UBE3B: variants seen among roughly 807,000 people sequenced by gnomAD.
UBE3B encodes the protein ubiquitin protein ligase E3B.
In UBE3B, 80 loss-of-function variants were observed where a neutral mutation model predicts 132.3. The observed-to-expected ratio is 0.60, with a 90% CI of 0.50 to 0.73. The LOEUF is 0.73. UBE3B is among the 30% of genes least tolerant of loss of function. The pLI, the probability that UBE3B is intolerant of heterozygous loss-of-function variation, is 0.00. For missense variants in UBE3B, 1,196 were observed against 1,362.5 expected, an observed-to-expected ratio of 0.88 and a Z score of 1.92; for synonymous variants, 487 against 520.4, an observed-to-expected ratio of 0.94 and a Z score of 0.87.
intron 18 of UBE3B, among the ~76,000 whole-genome samples, chr12:109,513,759 TCCTC>T (rs1235227985): frequency 6.6e-6 from 1 of 152,182 alleles, no homozygotes; most frequent in Non-Finnish European, 1.5e-5. Flanking sequence ...TCATAAAATG[TCCTC>T]CCTCAGGAAA....
chr12:109,483,724 G>C lies in UBE3B; in HGVS notation c.161+12G>C, dbSNP rs760993283. On this transcript the variant is annotated intron_variant, in intron 3 of 27. Transcript: ENST00000342494. ...CAGAGAGATATCAGGTAAGGGCTAG[G>C]ATCTCCCTAGCACATGATTCTCTGG... 2.5e-6 allele frequency: 4 copies of C among 1,591,846 alleles called. No individual in the cohort carries two copies. The South Asian group carries it at 4.6e-5, about 18-fold the overall frequency.
intron 4 of UBE3B, 83 bp downstream of exon 4, chr12:109,484,064 C>A: frequency 1.4e-6 from 2 of 1,405,522 alleles, no homozygotes; most frequent in Non-Finnish European, 1.9e-6. Context: ...GTTCTTATAG[C>A]AGCTTTATGA....
At position 109,535,503 on chromosome 12, in the gene UBE3B, T is replaced by A. The variant is rs1592983032; in HGVS notation, c.*721T>A. On this transcript the variant is annotated 3_prime_UTR_variant, in exon 28 of 28. Coordinates refer to ENST00000342494, the MANE Select transcript of UBE3B (RefSeq NM_130466.4). ...CCTATTCCCGTCCTATGCATTCACA[T>A]TGGCATCCTGGTTTGGGGGAAGAAA... 1 of 152,294 alleles carries A rather than the reference T, an allele frequency of 6.6e-6. No homozygotes were observed. The highest frequency in any genetic ancestry group is 1.5e-5 in the Non-Finnish European group (1 of 68,072). 9.4% of individuals were successfully genotyped at this position (152,294 alleles called of 1,614,324 possible).
rs955106594 is a variant in UBE3B at position 109,488,605 on chromosome 12, C to T, written c.481C>T (p.Leu161=). The T allele has an allele frequency of 1.9e-6, 3 of 1,614,074 alleles. No individual in the cohort carries two copies. The highest frequency in any genetic ancestry group is 1.3e-5 in the African/African-American group (1 of 74,928). ...EILQDSRLIT[L]YLTMLVTFTD... is the part of the protein sequence containing the mutation. Reference sequence around the variant, plus strand: ...CCTGCAGGACTCCCGACTCATCACCCTGTACCTCACGATGCTTGTCACCTT... The same window carrying T: ...CCTGCAGGACTCCCGACTCATCACCTTGTACCTCACGATGCTTGTCACCTT... Residue 161 remains leucine (L), a synonymous_variant, in exon 7 of 28, where the codon CTG becomes TTG. Coordinates refer to ENST00000342494, the MANE Select transcript of UBE3B (RefSeq NM_130466.4).
chr12:109,523,808 G>A (rs1055159232), intron 21 of UBE3B, among the ~76,000 whole-genome samples, 170 bp from the exon 22 acceptor site: 9 of 152,230 alleles, frequency 5.9e-5, no homozygotes, highest in African/African-American at 2.2e-4. Flanking sequence ...GAGGCACTCA[G>A]TTGTATTTGG....
intron 23 of UBE3B, 140 bp from the exon 24 acceptor site, chr12:109,526,218 T>G: frequency 3.6e-6 from 3 of 831,916 alleles, no homozygotes; most frequent in Admixed American, 2.5e-5. Context: ...TGACTTTTTA[T>G]GAGAAAGGAT....
chr12:109,533,329 G>A (rs1415145157), intron 26 of UBE3B, 137 bp from the exon 27 acceptor site: 10 of 812,838 alleles, frequency 1.2e-5, no homozygotes, highest in African/African-American at 8.4e-5. Flanking sequence ...GATCCACCCC[G>A]CCACTCCATA....
At chr12:109,488,083 C>G (rs1388130561) in intron 6 of UBE3B, among the ~76,000 whole-genome samples, 1 of 152,242 alleles carries the variant, frequency 6.6e-6, no homozygotes, top group African/African-American at 2.4e-5. Context: ...TTATTTCTCA[C>G]AACAACCCTA....
At chr12:109,505,483 A>G (rs1038216744) in intron 14 of UBE3B, among the ~76,000 whole-genome samples, 2 of 152,234 alleles carry the variant, frequency 1.3e-5, no homozygotes, top group African/African-American at 2.4e-5. Flanking sequence ...CCATAGGAGT[A>G]TATTTGTGAT....
At position 109,504,286 on chromosome 12, in the gene UBE3B, A is replaced by G. The variant is rs765784818; in HGVS notation, c.1450+1096A>G. Among the ~76,000 whole-genome samples the G allele has an allele frequency of 8.9e-4, 135 of 152,256 alleles. 3 individuals are homozygous for G. Among genetic ancestry groups the G allele is most frequent in the Non-Finnish European group, 2.1e-4 (14 of 68,044 alleles). On this transcript the variant is annotated intron_variant, in intron 14 of 27. Transcript: ENST00000342494. ...TTCCCAACCAGCGTGACAGCCAAAC[A>G]TATCTTCAAATTTGGCATTCAGCCA...
At chr12:109,527,919 A>G (rs1298754795) in intron 24 of UBE3B, among the ~76,000 whole-genome samples, 1 of 152,070 alleles carries the variant, frequency 6.6e-6, no homozygotes, top group African/African-American at 2.4e-5. Flanking sequence ...GGATCCTGCC[A>G]CCCCCTGAGA....
At chr12:109,488,691 T>A (rs753643385) in intron 7 of UBE3B, 23 bp downstream of exon 7, 4 of 1,606,262 alleles carry the variant, frequency 2.5e-6, no homozygotes, top group Admixed American at 1.7e-5. Context: ...TGCTTCAAAA[T>A]GTTCTCTAAC....
At chr12:109,542,011 TAGC>T in the UBE3B span, among the ~76,000 whole-genome samples, 1 of 152,214 alleles carries the variant, frequency 6.6e-6, no homozygotes, top group East Asian at 1.9e-4. Flanking sequence ...TTCTGGGGGT[TAGC>T]ACTTGGACAG....
chr12:109,493,004 T>A (rs1383125164), intron 9 of UBE3B, among the ~76,000 whole-genome samples: 1 of 152,220 alleles, frequency 6.6e-6, no homozygotes, highest in Non-Finnish European at 1.5e-5. Flanking sequence ...ACCACATGCC[T>A]CTAGAGGCTA....
intron 9 of UBE3B, among the ~76,000 whole-genome samples, chr12:109,497,285 T>C (rs1262692900): frequency 6.6e-6 from 1 of 151,836 alleles, no homozygotes; most frequent in Non-Finnish European, 1.5e-5. Context: ...CGAAACATTA[T>C]ACAATATATA....
intron 18 of UBE3B, among the ~76,000 whole-genome samples, chr12:109,514,101 C>T (rs1202159119): frequency 2.0e-5 from 3 of 152,200 alleles, no homozygotes; most frequent in Admixed American, 2.0e-4. Context: ...CTGCCTGGCT[C>T]ACGTGCACAG....
At chr12:109,520,847 T>C in intron 19 of UBE3B, 1 of 274,964 alleles carries the variant, frequency 3.6e-6, no homozygotes, top group Non-Finnish European at 6.9e-6. Context: ...TCATCCTTTG[T>C]CTGATGGCCA....
chr12:109,490,056 C>G, intron 8 of UBE3B, 52 bp downstream of exon 8: 1 of 1,554,936 alleles, frequency 6.4e-7, no homozygotes, highest in Non-Finnish European at 8.9e-7. Context: ...CCAACACCTG[C>G]ACTTGGATTT....
At chr12:109,531,167 A>G (rs570892677) in intron 26 of UBE3B, among the ~76,000 whole-genome samples, 1 of 152,158 alleles carries the variant, frequency 6.6e-6, no homozygotes, top group Non-Finnish European at 1.5e-5. Flanking sequence ...ACAGTGTCCC[A>G]ATAAAACACA....
Sources: allele counts gnomAD v4.1 joint callset (sites outside exome capture counted in the v4.1 genomes callset), GRCh38; gene constraint gnomAD v4.1.1; transcripts MANE v1.5; gene names NCBI Gene and HGNC (gene_info 2026-07-23, HGNC 2026-07-21).